Variants in ADGB observed in about 807,000 individuals in gnomAD.
The protein encoded by ADGB is androglobin.
Under a neutral mutation model 210.5 loss-of-function variants are expected in ADGB, and 172 were observed. That is an observed-to-expected ratio of 0.82 (90% CI 0.72 to 0.93). The LOEUF is 0.93. Ranked by LOEUF, ADGB falls within the 40% of genes least tolerant of loss-of-function variation. ADGB has a pLI of 0.00. For missense variants in ADGB, 2,025 were observed against 1,964.8 expected, an observed-to-expected ratio of 1.03 and a Z score of -0.58; for synonymous variants, 658 against 662.7, an observed-to-expected ratio of 0.99 and a Z score of 0.11.
chr6:146,752,609 C>A lies in ADGB; in HGVS notation c.3445C>A (p.Gln1149Lys), dbSNP rs1777340735. 6.4e-7 allele frequency: 1 copy of A among 1,550,940 alleles called. No homozygotes were observed. The highest frequency in any genetic ancestry group is 8.7e-7 in the Non-Finnish European group (1 of 1,146,456). The change falls in exon 27 of 36, where the codon CAG becomes AAG. Residue 1149 changes from glutamine to lysine, a missense_variant. Gln to Lys is a moderately conservative substitution (Grantham distance 53). Coordinates refer to ENST00000397944, the MANE Select transcript of ADGB (RefSeq NM_024694.4). ...TSKPDAFIKL[Q>K]VLENEETMVS... ...CAAACCAGATGCATTCATCAAGCTG[C>A]AGGTCCTAGAAAATGAAGAAACTAT...
chr6:146,813,051 C>T (rs1778325384), intron 35 of ADGB, among the ~76,000 whole-genome samples: 1 of 152,068 alleles, frequency 6.6e-6, no homozygotes, highest in African/African-American at 2.4e-5. Flanking sequence ...AAAATATGGC[C>T]TGATTTCCCA....
chr6:146,690,695 G>T (rs2114921076), intron 10 of ADGB, among the ~76,000 whole-genome samples: 1 of 152,246 alleles, frequency 6.6e-6, no homozygotes, highest in Admixed American at 6.5e-5. Context: ...ACTTACCACT[G>T]AACACACTCA....
intron 35 of ADGB, chr6:146,807,462 T>C (rs1205340452): frequency 1.0e-4 from 157 of 1,551,436 alleles, no homozygotes; most frequent in Non-Finnish European, 1.4e-4. Flanking sequence ...CAGAAACAAA[T>C]TGCTGGAAGC....
chr6:146,608,525 C>G (rs1448608834), intron 1 of ADGB, among the ~76,000 whole-genome samples: 3 of 151,986 alleles, frequency 2.0e-5, no homozygotes, highest in Admixed American at 1.3e-4. Flanking sequence ...TATAAAATTC[C>G]CTTTTAACAC....
intron 1 of ADGB, among the ~76,000 whole-genome samples, chr6:146,634,401 C>T (rs1323657232): frequency 1.3e-5 from 2 of 152,050 alleles, no homozygotes; most frequent in Non-Finnish European, 2.9e-5. Flanking sequence ...CCAGAACCCA[C>T]TAGGATATGA....
intron 5 of ADGB, among the ~76,000 whole-genome samples, chr6:146,662,979 G>A (rs915014600): frequency 3.5e-5 from 5 of 144,442 alleles, no homozygotes; most frequent in Non-Finnish European, 6.0e-5. Flanking sequence ...ATGTTATAAT[G>A]TATATAATAT....
intron 9 of ADGB, among the ~76,000 whole-genome samples, chr6:146,681,812 G>A (rs993152742): frequency 2.6e-5 from 4 of 152,020 alleles, no homozygotes; most frequent in Non-Finnish European, 5.9e-5. Flanking sequence ...GAACACATTC[G>A]AGTCATTATC....
At chr6:146,684,338 C>G (rs1776194254) in intron 9 of ADGB, among the ~76,000 whole-genome samples, 1 of 152,010 alleles carries the variant, frequency 6.6e-6, no homozygotes. Flanking sequence ...CAGGAACTTC[C>G]TCTCCATAAC....
intron 20 of ADGB, among the ~76,000 whole-genome samples, chr6:146,731,684 T>C (rs1051355210): frequency 6.6e-6 from 1 of 152,216 alleles, no homozygotes; most frequent in Non-Finnish European, 1.5e-5. Context: ...TGAATTCTCC[T>C]CCTACCGTGT....
Position 146,656,762 on chromosome 6 carries a change from T to A in ADGB, c.403-9T>A, listed in dbSNP as rs781662942. On this transcript the variant is annotated splice_polypyrimidine_tract_variant and intron_variant, in intron 4 of 35. Coordinates refer to ENST00000397944, the MANE Select transcript of ADGB (RefSeq NM_024694.4). ...ATAACCAATTAACCCTAATGTTTTT[T>A]ATCTCTAGCTGATGAGATGGATTAT... The A allele has an allele frequency of 2.8e-5, 42 of 1,504,764 alleles. No homozygotes were observed. The highest frequency in any genetic ancestry group is 3.7e-5 in the Non-Finnish European group (42 of 1,123,116). 93.2% of individuals were successfully genotyped at this position (1,504,764 alleles called of 1,614,324 possible).
At chr6:146,768,661 T>C (rs1777609693) in intron 28 of ADGB, among the ~76,000 whole-genome samples, 1 of 152,174 alleles carries the variant, frequency 6.6e-6, no homozygotes, top group Admixed American at 6.5e-5. Flanking sequence ...TTTTTTTCTG[T>C]GTCATGATCA....
In ADGB at chr6:146,656,827, A is replaced by C. The variant is rs79354452; in HGVS notation, c.459A>C (p.Gly153=). The change falls in exon 5 of 36, where the codon GGA becomes GGC. Residue 153 remains glycine (G), a synonymous_variant. Transcript: ENST00000397944. ...IYAVWKIFNG[G]ILSNYFKGTS... The stretch of plus-strand genomic sequence containing the variant: ...CAGTGTGGAAGATCTTCAATGGAGG[A>C]ATTTTGAGCAATTATTTTAAGGGGA... The C allele has an allele frequency of 0.018, 27,240 of 1,551,164 alleles. 314 individuals are homozygous for C. The highest frequency in any genetic ancestry group is 0.031 in the Middle Eastern group (185 of 5,990).
At chr6:146,788,951 G>T (rs1777918686) in intron 33 of ADGB, among the ~76,000 whole-genome samples, 1 of 152,142 alleles carries the variant, frequency 6.6e-6, no homozygotes, top group Non-Finnish European at 1.5e-5. Context: ...GTTATCTGTA[G>T]TATGCTACAA....
At chr6:146,629,936 G>C (rs113822656) in intron 1 of ADGB, among the ~76,000 whole-genome samples, 1 of 152,066 alleles carries the variant, frequency 6.6e-6, no homozygotes, top group Admixed American at 6.6e-5. Context: ...CTATAAATGT[G>C]TGTATAAAGA....
chr6:146,733,039 T>G (rs2114586794), intron 20 of ADGB, 81 bp from the exon 21 acceptor site: 1 of 1,081,492 alleles, frequency 9.2e-7, no homozygotes, highest in East Asian at 2.8e-5. Context: ...TTTTTATTTT[T>G]AGAGTATCTA....
At chr6:146,772,423 T>TTATATATA (rs146190439) in intron 29 of ADGB, among the ~76,000 whole-genome samples, 1 of 145,386 alleles carries the variant, frequency 6.9e-6, no homozygotes, top group Non-Finnish European at 1.5e-5. Context: ...ATTATATTTA[T>TTATATATA]TATATATATA....
At chr6:146,732,267 A>C (rs1266120606) in intron 20 of ADGB, among the ~76,000 whole-genome samples, 1 of 152,212 alleles carries the variant, frequency 6.6e-6, no homozygotes, top group Non-Finnish European at 1.5e-5. Context: ...AAGCAAACTC[A>C]TAGCTGAAGC....
intron 1 of ADGB, among the ~76,000 whole-genome samples, chr6:146,629,151 A>G (rs925872263): frequency 5.9e-5 from 9 of 152,180 alleles, no homozygotes; most frequent in South Asian, 2.1e-4. Context: ...ATATTGAAAA[A>G]TCATCTTATT....
At chr6:146,703,195 G>T (rs1776517231) in intron 13 of ADGB, among the ~76,000 whole-genome samples, 1 of 151,590 alleles carries the variant, frequency 6.6e-6, no homozygotes, top group African/African-American at 2.4e-5. Flanking sequence ...TTCTTTATTA[G>T]ATATGTATTT....
Sources: allele counts gnomAD v4.1 joint callset (sites outside exome capture counted in the v4.1 genomes callset), GRCh38; gene constraint gnomAD v4.1.1; transcripts MANE v1.5; gene names NCBI Gene and HGNC (gene_info 2026-07-23, HGNC 2026-07-21).